BCL7A: variants seen among roughly 807,000 people sequenced by gnomAD.
The protein encoded by BCL7A is B-cell CLL/lymphoma 7 protein family member A.
In BCL7A, 11 loss-of-function variants were observed where a neutral mutation model predicts 28.4. The ratio of observed to expected loss-of-function variants is 0.39; its 90% CI spans 0.24 to 0.64. The LOEUF (loss-of-function observed/expected upper bound fraction) is 0.64. Among genes scored for constraint, BCL7A ranks in the 30% least tolerant of loss-of-function variants. The pLI is 0.50. For missense variants in BCL7A, 222 were observed against 274.8 expected (o/e 0.81, Z 1.36); for synonymous variants, 123 against 103.3 (o/e 1.19, Z -1.15).
rs1188979068 is a variant in BCL7A, at chr12:122,046,032, C to T, written c.439+1979C>T. 1.7e-4 allele frequency among the ~76,000 whole-genome samples: 23 copies of T among 138,732 alleles called. No homozygotes were observed. In the Admixed American group the frequency reaches 1.8e-3, roughly 11 times the overall value. The allele number at this position is 138,732 out of a possible 152,430, so 91.0% of individuals were successfully genotyped here. On this transcript the variant is annotated intron_variant, in intron 4 of 5. Coordinates refer to ENST00000261822, the MANE Select transcript of BCL7A (RefSeq NM_001024808.3). Reference sequence around the variant, plus strand: ...GCAGTGAGCCATGATTGCACCACTCCAGCCTGGGTAACAGGGTGAGACCTT... The same window carrying T: ...GCAGTGAGCCATGATTGCACCACTCTAGCCTGGGTAACAGGGTGAGACCTT...
intron 4 of BCL7A, among the ~76,000 whole-genome samples, chr12:122,051,055 G>A (rs900963586): frequency 6.6e-6 from 1 of 152,196 alleles, no homozygotes; most frequent in Non-Finnish European, 1.5e-5. Context: ...TCCCACGTTG[G>A]GGGTGTGTGT....
chr12:122,048,155 G>A (rs1422253894), intron 4 of BCL7A, among the ~76,000 whole-genome samples: 1 of 151,910 alleles, frequency 6.6e-6, no homozygotes, highest in Admixed American at 6.6e-5. Flanking sequence ...CGCCCGCCTC[G>A]GCCTCCCAAA....
intron 1 of BCL7A, among the ~76,000 whole-genome samples, chr12:122,025,181 G>A (rs1040886279): frequency 6.6e-6 from 1 of 152,286 alleles, no homozygotes; most frequent in East Asian, 1.9e-4. Context: ...GGCGATGGTA[G>A]GAGACGAAAG....
intron 3 of BCL7A, among the ~76,000 whole-genome samples, chr12:122,042,028 A>G (rs1186662105): frequency 6.6e-6 from 1 of 152,186 alleles, no homozygotes; most frequent in East Asian, 1.9e-4. Context: ...GTGAGCCGAG[A>G]TCGCGCCACC....
At chr12:122,049,426 A>T (rs1008881504) in intron 4 of BCL7A, among the ~76,000 whole-genome samples, 2 of 151,942 alleles carry the variant, frequency 1.3e-5, no homozygotes, top group Non-Finnish European at 2.9e-5. Context: ...TCATACCTGT[A>T]TTCCCAGCAC....
chr12:122,056,344 GCCC>G (rs1951878261), intron 5 of BCL7A, among the ~76,000 whole-genome samples: 1 of 150,924 alleles, frequency 6.6e-6, no homozygotes, highest in African/African-American at 2.4e-5. Flanking sequence ...TTCTCACATC[GCCC>G]CCACTACCCC....
intron 4 of BCL7A, among the ~76,000 whole-genome samples, chr12:122,052,680 TTTTTGTTTTG>T (rs1056721973): frequency 1.3e-5 from 2 of 151,770 alleles, no homozygotes; most frequent in Non-Finnish European, 2.9e-5. Flanking sequence ...ATTGTTTTGT[TTTTTGTTTTG>T]TTTTGTTTTG....
At chr12:122,056,320 C>T (rs1347114246) in intron 5 of BCL7A, among the ~76,000 whole-genome samples, 3 of 151,898 alleles carry the variant, frequency 2.0e-5, no homozygotes, top group African/African-American at 7.3e-5. Context: ...CCTGGAAATG[C>T]CAGGAGTCCC....
At chr12:122,025,946 CAAAAAAA>C (rs1204623444) in intron 1 of BCL7A, among the ~76,000 whole-genome samples, 5 of 108,196 alleles carry the variant, frequency 4.6e-5, no homozygotes, top group East Asian at 3.8e-4. Flanking sequence ...GACTCCATCT[CAAAAAAA>C]AAAAAAAAAA....
chr12:122,042,909 A>G (rs1038141738), intron 3 of BCL7A, among the ~76,000 whole-genome samples: 10 of 152,170 alleles, frequency 6.6e-5, no homozygotes, highest in African/African-American at 1.9e-4. Flanking sequence ...AAAGTGTTAC[A>G]GCTGGCACGT....
intron 2 of BCL7A, among the ~76,000 whole-genome samples, 157 bp from the exon 3 acceptor site, chr12:122,035,174 C>T (rs893909382): frequency 3.3e-5 from 5 of 152,276 alleles, no homozygotes; most frequent in East Asian, 1.9e-4. Flanking sequence ...CCTAATAGGA[C>T]GTGTTCAAAT....
At chr12:122,043,055 C>T (rs1438928364) in intron 3 of BCL7A, among the ~76,000 whole-genome samples, 2 of 151,364 alleles carry the variant, frequency 1.3e-5, no homozygotes, top group African/African-American at 4.9e-5. Flanking sequence ...GAGTGGACCA[C>T]GTGTCCCGTG....
intron 4 of BCL7A, among the ~76,000 whole-genome samples, chr12:122,052,910 A>C (rs1388389817): frequency 1.4e-5 from 2 of 142,936 alleles, no homozygotes; most frequent in African/African-American, 2.6e-5. Flanking sequence ...GGCTGGTCTC[A>C]AACTCCTGAC....
chr12:122,038,736 C>G (rs1883907933), intron 3 of BCL7A, among the ~76,000 whole-genome samples: 1 of 152,204 alleles, frequency 6.6e-6, no homozygotes, highest in Non-Finnish European at 1.5e-5. Context: ...CTAACTCTCC[C>G]TGCACCTTCC....
chr12:122,023,321 C>T (rs1179938480), intron 1 of BCL7A, among the ~76,000 whole-genome samples: 1 of 152,178 alleles, frequency 6.6e-6, no homozygotes, highest in Admixed American at 6.5e-5. Flanking sequence ...TGTCAGCGCC[C>T]GCGGGCTCGT....
chr12:122,022,215 C>T (rs762690014), intron 1 of BCL7A, 32 bp downstream of exon 1: 2 of 1,391,458 alleles, frequency 1.4e-6, no homozygotes, highest in South Asian at 2.5e-5. Context: ...CAGCCGCCTC[C>T]CCGGCCGCCC....
At chr12:122,056,630 G>A (rs760864217) in intron 5 of BCL7A, among the ~76,000 whole-genome samples, 18 of 151,876 alleles carry the variant, frequency 1.2e-4, no homozygotes, top group Non-Finnish European at 1.9e-4. Context: ...GCAAGACCCC[G>A]TCTCTCCAAC....
intron 5 of BCL7A, among the ~76,000 whole-genome samples, chr12:122,056,130 C>T (rs1248785135): frequency 6.6e-6 from 1 of 152,200 alleles, no homozygotes; most frequent in Admixed American, 6.5e-5. Flanking sequence ...AAGCAAGCTG[C>T]AGATCCGCAG....
chr12:122,054,883 C>T lies in BCL7A; in HGVS notation c.518C>T (p.Ser173Phe). ...NSSEKVDRQP[S>F]GDSGLAAETS... Reference sequence around the variant, plus strand: ...TCAGAGAAAGTAGATCGGCAGCCGTCTGGAGACTCGGGTCTGGCCGCAGAG... The same window carrying T: ...TCAGAGAAAGTAGATCGGCAGCCGTTTGGAGACTCGGGTCTGGCCGCAGAG... The change falls in exon 5 of 6, where the codon TCT (serine) becomes TTT (phenylalanine). Residue 173 changes from serine (S) to phenylalanine (F), a missense_variant. Coordinates refer to ENST00000261822, the MANE Select transcript of BCL7A (RefSeq NM_001024808.3). The T allele has an allele frequency of 6.2e-7, 1 of 1,614,232 alleles. No individual in the cohort carries two copies. The highest frequency in any genetic ancestry group is 2.2e-5 in the East Asian group (1 of 44,890).
Sources: allele counts gnomAD v4.1 joint callset (sites outside exome capture counted in the v4.1 genomes callset), GRCh38; gene constraint gnomAD v4.1.1; transcripts MANE v1.5; gene names NCBI Gene and HGNC (gene_info 2026-07-23, HGNC 2026-07-21).